Variants in HSP90AB1 observed in about 807,000 individuals in gnomAD.
HSP90AB1 encodes heat shock protein 90 alpha family class B member 1, also known as heat shock protein HSP 90-beta.
Under a neutral mutation model 67.8 loss-of-function variants are expected in HSP90AB1, and 17 were observed. That is an observed-to-expected ratio of 0.25 (90% CI 0.17 to 0.38). The LOEUF is 0.38. Among genes scored for constraint, HSP90AB1 ranks in the 10% least tolerant of loss-of-function variants. HSP90AB1 has a pLI of 1.00. For synonymous variants in HSP90AB1, 390 were observed against 312.9 expected (o/e 1.25, Z -2.60); for missense variants, 690 against 899.9 (o/e 0.77, Z 2.98).
intron 5 of HSP90AB1, 40 bp from the exon 6 acceptor site, chr6:44,250,251 G>GT: frequency 6.2e-7 from 1 of 1,611,142 alleles, no homozygotes. Context: ...CCCTGGTAGT[G>GT]TTTTGTACTC....
rs1435383603 is a variant in HSP90AB1, at chr6:44,251,730, C to T, written c.1315-7C>T. ...CTGGATTGTTTTTCCTCTTCCCACC[C>T]TTCAAGCTTGGAATCCACGAAGACT... On this transcript the variant is annotated splice_polypyrimidine_tract_variant and splice_region_variant and intron_variant, in intron 8 of 11. Transcript: ENST00000371646. The T allele has an allele frequency of 4.3e-6, 7 of 1,612,398 alleles. No individual in the cohort carries two copies. Among genetic ancestry groups the T allele is most frequent in the Non-Finnish European group, 5.9e-6 (7 of 1,179,104 alleles).
At chr6:44,248,216 A>G (rs35354215) in intron 1 of HSP90AB1, 4,389 of 164,402 alleles carry the variant, frequency 0.027, 116 homozygotes, top group Non-Finnish European at 0.038. Context: ...TAAACTAGTC[A>G]CTTTGATCTC....
upstream of HSP90AB1, chr6:44,247,087 G>A (rs904776606): frequency 1.3e-5 from 2 of 152,192 alleles, no homozygotes; most frequent in Non-Finnish European, 2.9e-5. Flanking sequence ...GGCGACTTGG[G>A]GCACGCAGTA....
At chr6:44,250,188 C>G in intron 5 of HSP90AB1, 34 bp downstream of exon 5, 1 of 1,613,688 alleles carries the variant, frequency 6.2e-7, no homozygotes, top group Non-Finnish European at 8.5e-7. Context: ...TTACACTTAA[C>G]GTGCAGGATG....
At position 44,247,212 on chromosome 6, in the gene HSP90AB1, C is replaced by T. The variant is rs952680589; in HGVS notation, c.-1+17C>T. On this transcript the variant is annotated intron_variant, in intron 1 of 11. Coordinates refer to ENST00000371646, the MANE Select transcript of HSP90AB1 (RefSeq NM_007355.4). ...CTTTTCAAGGTAAGGCTGAGATCTC[C>T]GCTAGGCTTCTTTCCCTTTAGTGCT... The T allele has an allele frequency of 1.3e-5, 2 of 152,252 alleles. No individual in the cohort carries two copies. The highest frequency in any genetic ancestry group is 2.9e-5 in the Non-Finnish European group (2 of 68,060). The allele number at this position is 152,252 out of a possible 1,614,324, so 9.4% of individuals were successfully genotyped here. A position where few individuals can be genotyped will look rare whatever the true frequency, so the allele number is the denominator to read the frequency against.
At position 44,250,528 on chromosome 6, in the gene HSP90AB1, A is replaced by G; in HGVS notation, c.886A>G (p.Ile296Val). 1 of 1,614,158 alleles carries G rather than the reference A, an allele frequency of 6.2e-7. No homozygotes were observed. The highest frequency in any genetic ancestry group is 1.3e-5 in the African/African-American group (1 of 75,058). Reference protein sequence around the residue: ...KPIWTRNPDDITQEEYGEFYK... With the variant: ...KPIWTRNPDDVTQEEYGEFYK... ...TATTTGGACCAGAAACCCTGATGAC[A>G]TCACCCAAGAGGAGTATGGAGAATT... The change falls in exon 6 of 12, where the codon ATC (isoleucine) becomes GTC (valine). Residue 296 changes from isoleucine (I) to valine (V), a missense_variant. Around this residue, in one of 7 missense-constraint regions of HSP90AB1, gnomAD observed 101 missense variants for 174.8 expected, o/e 0.58. Transcript: ENST00000371646.
chr6:44,249,973 C>G (rs1304005545), intron 4 of HSP90AB1, 48 bp from the exon 5 acceptor site: 26 of 1,610,464 alleles, frequency 1.6e-5, no homozygotes, highest in Non-Finnish European at 2.2e-5. Flanking sequence ...CTGGTCTCAA[C>G]TGCATATACT....
rs756841146 is a variant in HSP90AB1, at chr6:44,253,719, C to T, written c.*121C>T. On this transcript the variant is annotated 3_prime_UTR_variant, in exon 12 of 12. Coordinates refer to ENST00000371646, the MANE Select transcript of HSP90AB1 (RefSeq NM_007355.4). ...CTGCTGGTGTCTAGTGTTTTTTTCC[C>T]TCTCCTGTCCTTGTGTTGAAGGCAG... 7 of 804,404 alleles carry T rather than the reference C, an allele frequency of 8.7e-6. No individual in the cohort carries two copies. Among genetic ancestry groups the T allele is most frequent in the South Asian group, 8.1e-5 (6 of 74,306 alleles). The allele number at this position is 804,404 out of a possible 1,614,324, so 49.8% of individuals were successfully genotyped here. A position where few individuals can be genotyped will look rare whatever the true frequency, so the allele number is the denominator to read the frequency against.
At chr6:44,247,790 C>T (rs746440745) in intron 1 of HSP90AB1, 4 of 152,244 alleles carry the variant, frequency 2.6e-5, no homozygotes, top group Admixed American at 2.6e-4. Flanking sequence ...CTGGAAGATT[C>T]ATGGGCTCCT....
chr6:44,253,602 A>C lies in HSP90AB1; in HGVS notation c.*4A>C, dbSNP rs1781014589. 1 of 1,609,558 alleles carries C rather than the reference A, an allele frequency of 6.2e-7. No homozygotes were observed. The highest frequency in any genetic ancestry group is 1.3e-5 in the African/African-American group (1 of 74,918). On this transcript the variant is annotated 3_prime_UTR_variant, in exon 12 of 12. Coordinates refer to ENST00000371646, the MANE Select transcript of HSP90AB1 (RefSeq NM_007355.4). The stretch of plus-strand genomic sequence containing the variant: ...TCGCATGGAAGAAGTCGATTAGGTT[A>C]GGAGTTCATAGTTGGAAAACTTGTG...
rs1294544209 is a variant in HSP90AB1, at chr6:44,253,586, A to G, written c.2163A>G (p.Glu721=). ...GCGATGAGGATGCGTCTCGCATGGA[A>G]GAAGTCGATTAGGTTAGGAGTTCAT... The part of the protein sequence containing the change: ...LEGDEDASRM[E]EVD Residue 721 remains glutamate, a synonymous_variant, in exon 12 of 12, where the codon GAA becomes GAG. Coordinates refer to ENST00000371646, the MANE Select transcript of HSP90AB1 (RefSeq NM_007355.4). 6.2e-7 allele frequency: 1 copy of G among 1,613,554 alleles called. No homozygotes were observed.
chr6:44,252,933 C>T (rs1780905486), intron 10 of HSP90AB1, 112 bp from the exon 11 acceptor site: 4 of 838,296 alleles, frequency 4.8e-6, no homozygotes, highest in Non-Finnish European at 7.6e-6. Flanking sequence ...AGCATGGTCT[C>T]AAACTCAAGT....
rs754953829 is a variant in HSP90AB1 at position 44,252,176 on chromosome 6, A to T, written c.1640A>T (p.Glu547Val). Reference protein sequence around the residue: ...TKEGLELPEDEEEKKKMEESK... With the variant: ...TKEGLELPEDVEEKKKMEESK... ...GAGGGTCTGGAGCTGCCTGAGGATG[A>T]GGAGGAGAAGAAGAAGATGGAAGAG... The change falls in exon 10 of 12, where the codon GAG becomes GTG. Residue 547 changes from glutamate (E) to valine (V), a missense_variant. By Grantham distance (121) the Glu-to-Val change is moderately radical. Coordinates refer to ENST00000371646, the MANE Select transcript of HSP90AB1 (RefSeq NM_007355.4). 1 of 1,614,160 alleles carries T rather than the reference A, an allele frequency of 6.2e-7. No individual in the cohort carries two copies. The highest frequency in any genetic ancestry group is 2.2e-5 in the East Asian group (1 of 44,890).
intron 1 of HSP90AB1, among the ~76,000 whole-genome samples, 174 bp from the exon 2 acceptor site, chr6:44,248,456 A>C (rs1780237034): frequency 6.6e-6 from 1 of 152,218 alleles, no homozygotes; most frequent in African/African-American, 2.4e-5. Flanking sequence ...CCTCCCACTT[A>C]GTGTGTAGTC....
upstream of HSP90AB1, among the ~76,000 whole-genome samples, chr6:44,246,500 C>G (rs1779922032): frequency 6.6e-6 from 1 of 152,132 alleles, no homozygotes. Context: ...CGCCGCATGT[C>G]GGCAAAGAGT....
chr6:44,250,815 A>G (rs946101739), intron 6 of HSP90AB1, among the ~76,000 whole-genome samples: 11 of 152,308 alleles, frequency 7.2e-5, no homozygotes, highest in East Asian at 1.9e-4. Flanking sequence ...GGTAATGTCT[A>G]TTGGCAGCCT....
At position 44,251,542 on chromosome 6, in the gene HSP90AB1, C is replaced by T. The variant is rs560701062; in HGVS notation, c.1248C>T (p.Phe416=). Residue 416 remains phenylalanine (F), a synonymous_variant, in exon 8 of 12, where the codon TTC becomes TTT. Coordinates refer to ENST00000371646, the MANE Select transcript of HSP90AB1 (RefSeq NM_007355.4). The stretch of plus-strand genomic sequence containing the variant: ...TTGTTAAGAAGTGCCTTGAGCTCTT[C>T]TCTGAGCTGGCAGAAGACAAGGAGA... ...KNIVKKCLEL[F]SELAEDKENY... The T allele has an allele frequency of 2.5e-6, 4 of 1,611,840 alleles. No homozygotes were observed. The highest frequency in any genetic ancestry group is 1.3e-5 in the African/African-American group (1 of 74,964).
Position 44,252,240 on chromosome 6 carries a change from A to G in HSP90AB1, c.1704A>G (p.Lys568=). ...TTGAGAACCTCTGCAAGCTCATGAA[A>G]GAAATCTTAGATAAGAAGGTTGAGA... ...AKFENLCKLM[K]EILDKKVEKV... The change falls in exon 10 of 12, where the codon AAA becomes AAG. Residue 568 remains lysine, a synonymous_variant. Transcript: ENST00000371646. The G allele has an allele frequency of 6.2e-7, 1 of 1,614,018 alleles. No individual in the cohort carries two copies. The highest frequency in any genetic ancestry group is 8.5e-7 in the Non-Finnish European group (1 of 1,180,018).
Position 44,249,844 on chromosome 6 carries a change from C to G in HSP90AB1, c.514+10C>G, listed in dbSNP as rs753648459. On this transcript the variant is annotated intron_variant, in intron 4 of 11. Coordinates refer to ENST00000371646, the MANE Select transcript of HSP90AB1 (RefSeq NM_007355.4). ...GTGCGTGCTGACCATGGTAAGTTAG[C>G]TTTTCTGTTACAAGGTAGTTGGGTT... 2 of 1,600,980 alleles carry G rather than the reference C, an allele frequency of 1.2e-6. No homozygotes were observed. The highest frequency in any genetic ancestry group is 1.7e-6 in the Non-Finnish European group (2 of 1,172,928).
Sources: gnomAD v4.1 joint callset for allele counts (sites outside exome capture counted in the v4.1 genomes callset) on GRCh38, gnomAD v4.1.1 for gene constraint, gnomAD v4.1.1 regional missense constraint, MANE v1.5 for transcripts, NCBI Gene and HGNC (gene_info 2026-07-23, HGNC 2026-07-21) for gene names.